Variants in KAZN observed in about 807,000 individuals in gnomAD.
KAZN encodes kazrin, periplakin interacting protein.
A neutral mutation model predicts 87.4 loss-of-function variants in KAZN; 40 were observed. That is an observed-to-expected ratio of 0.46 (90% CI 0.36 to 0.60). The LOEUF (loss-of-function observed/expected upper bound fraction) is 0.60, where lower values mean the gene tolerates loss of function less well. Ranked by LOEUF, KAZN falls within the 20% of genes least tolerant of loss-of-function variation. KAZN has a pLI of 0.00. For missense variants in KAZN, 898 were observed against 1,073.9 expected, an observed-to-expected ratio of 0.84 and a Z score of 2.29; for synonymous variants, 466 against 458.3, an observed-to-expected ratio of 1.02 and a Z score of -0.22.
intron 2 of KAZN, among the ~76,000 whole-genome samples, chr1:14,235,144 C>T (rs2100555592): frequency 6.6e-6 from 1 of 152,188 alleles, no homozygotes; most frequent in South Asian, 2.1e-4. Context: ...ATGACATCAG[C>T]TGATGAATGG....
intron 1 of KAZN, among the ~76,000 whole-genome samples, chr1:13,950,034 G>T (rs1173829534): frequency 6.6e-6 from 1 of 152,208 alleles, no homozygotes; most frequent in African/African-American, 2.4e-5. Flanking sequence ...TCCCGCCCCT[G>T]CCTTGCTCTG....
chr1:14,655,686 G>A (rs932721447), intron 1 of KAZN, among the ~76,000 whole-genome samples: 9 of 152,220 alleles, frequency 5.9e-5, no homozygotes, highest in Non-Finnish European at 5.9e-5. Context: ...TTTGGTGGCT[G>A]TGGTACAGAG....
intron 1 of KAZN, among the ~76,000 whole-genome samples, chr1:14,793,561 C>T (rs1557495663): frequency 1.3e-5 from 2 of 152,180 alleles, no homozygotes; most frequent in Admixed American, 1.3e-4. Flanking sequence ...ACAAGAGTAC[C>T]TGGTTATAGG....
chr1:14,183,866 G>A (rs1208816515), intron 2 of KAZN, among the ~76,000 whole-genome samples: 1 of 152,096 alleles, frequency 6.6e-6, no homozygotes, highest in Non-Finnish European at 1.5e-5. Flanking sequence ...TGCAGGCCAT[G>A]GAACAAAGGG....
At chr1:14,466,925 CG>C (rs1223813354) in intron 2 of KAZN, among the ~76,000 whole-genome samples, 2 of 152,072 alleles carry the variant, frequency 1.3e-5, no homozygotes, top group African/African-American at 2.4e-5. Flanking sequence ...GCCGAGATCG[CG>C]CCACTGCGCT....
intron 2 of KAZN, among the ~76,000 whole-genome samples, chr1:14,210,339 C>T (rs1646829156): frequency 6.6e-6 from 1 of 152,104 alleles, no homozygotes; most frequent in Admixed American, 6.6e-5. Flanking sequence ...GTGAGGCTTC[C>T]CCAGCCATGT....
intron 2 of KAZN, among the ~76,000 whole-genome samples, chr1:14,289,731 A>G (rs1355831121): frequency 6.6e-6 from 1 of 152,148 alleles, no homozygotes; most frequent in Non-Finnish European, 1.5e-5. Context: ...TTATGATGTT[A>G]GCTGGTTATT....
intron 2 of KAZN, among the ~76,000 whole-genome samples, chr1:14,422,923 G>A (rs1571610325): frequency 6.6e-6 from 1 of 152,332 alleles, no homozygotes; most frequent in East Asian, 1.9e-4. Flanking sequence ...CTTCTAACAA[G>A]GAAACTCAGA....
chr1:14,446,835 C>T (rs1557727425), intron 2 of KAZN, among the ~76,000 whole-genome samples: 1 of 152,094 alleles, frequency 6.6e-6, no homozygotes, highest in Non-Finnish European at 1.5e-5. Context: ...GAAAGATCCC[C>T]ATCCCTACCC....
intron 2 of KAZN, among the ~76,000 whole-genome samples, chr1:14,992,993 AT>A (rs35142163): frequency 0.016 from 2,286 of 147,424 alleles, 59 homozygotes; most frequent in African/African-American, 0.055. Flanking sequence ...TTTTACCACA[AT>A]TTTTTTTTTT....
intron 1 of KAZN, among the ~76,000 whole-genome samples, chr1:14,834,928 T>A (rs1228950485): frequency 6.6e-6 from 1 of 152,156 alleles, no homozygotes; most frequent in African/African-American, 2.4e-5. Context: ...CCATTTTAAA[T>A]GACTTTTCTG....
At chr1:14,299,773 C>T (rs1351208014) in intron 2 of KAZN, among the ~76,000 whole-genome samples, 1 of 152,182 alleles carries the variant, frequency 6.6e-6, no homozygotes, top group East Asian at 1.9e-4. Context: ...CATCTGAACA[C>T]ATTTAAAGCT....
At position 15,060,548 on chromosome 1, in the gene KAZN, G is replaced by T. The variant is rs1163681049; in HGVS notation, c.1047+246G>T. 6 of 530,360 alleles carry T rather than the reference G, an allele frequency of 1.1e-5. No individual in the cohort carries two copies. The African/African-American group carries it at 1.1e-4, about 10-fold the overall frequency. 32.9% of individuals were successfully genotyped at this position (530,360 alleles called of 1,614,324 possible). A position where few individuals can be genotyped will look rare whatever the true frequency, so the allele number is the denominator to read the frequency against. On this transcript the variant is annotated intron_variant, in intron 6 of 14. Coordinates refer to ENST00000376030, the MANE Select transcript of KAZN (RefSeq NM_201628.3). ...GAGAATCCAGAGGAAGCGGGCCTGG[G>T]TCGGCCGCAGGCACAGCCTGGAACT...
intron 1 of KAZN, among the ~76,000 whole-genome samples, chr1:14,680,647 G>A (rs1025554831): frequency 6.6e-6 from 1 of 151,982 alleles, no homozygotes; most frequent in African/African-American, 2.4e-5. Flanking sequence ...GGTGTGTGAT[G>A]TTCCCCTCCC....
intron 6 of KAZN, chr1:15,062,776 T>C (rs892877048): frequency 1.3e-5 from 2 of 152,162 alleles, no homozygotes; most frequent in African/African-American, 4.8e-5. Flanking sequence ...ACCTGTAGGC[T>C]ATTAAGGGTT....
At position 13,931,789 on chromosome 1, in the gene KAZN, A is replaced by C. The variant is rs1640524001; in HGVS notation, c.91+38033A>C. Among the ~76,000 whole-genome samples the C allele has an allele frequency of 2.0e-5, 3 of 152,116 alleles. No homozygotes were observed. In the South Asian group the frequency reaches 6.2e-4, roughly 32 times the overall value. The stretch of plus-strand genomic sequence containing the variant: ...TCATGATGCAAATACTCATAATTAC[A>C]TTTTCTGATTCATAAATGTATTTAT... On this transcript the variant is annotated intron_variant, in intron 1 of 16. Transcript: ENST00000636203.
chr1:14,514,621 A>ATTT (rs1557770580), intron 2 of KAZN, among the ~76,000 whole-genome samples: 2 of 43,740 alleles, frequency 4.6e-5, no homozygotes, highest in Non-Finnish European at 9.5e-5. Flanking sequence ...ATATATATAT[A>ATTT]TATATATATA....
intron 1 of KAZN, among the ~76,000 whole-genome samples, chr1:13,918,589 A>C (rs143308067): frequency 5.4e-4 from 83 of 152,378 alleles, no homozygotes; most frequent in African/African-American, 1.9e-3. Context: ...GACTGACTTC[A>C]ATTTTGAAAG....
intron 2 of KAZN, among the ~76,000 whole-genome samples, chr1:14,398,679 G>A (rs959929722): frequency 2.6e-5 from 4 of 152,154 alleles, no homozygotes; most frequent in African/African-American, 9.7e-5. Context: ...AGAATTCTCT[G>A]AGATGACTCT....
Sources: gnomAD v4.1 joint callset for allele counts (sites outside exome capture counted in the v4.1 genomes callset) on GRCh38, gnomAD v4.1.1 for gene constraint, MANE v1.5 for transcripts, NCBI Gene and HGNC (gene_info 2026-07-23, HGNC 2026-07-21) for gene names.